C12orf54: variants seen among roughly 807,000 people sequenced by gnomAD.
C12orf54 encodes chromosome 12 open reading frame 54, also known as uncharacterized protein C12orf54.
Under a neutral mutation model 26.4 loss-of-function variants are expected in C12orf54, and 24 were observed. That is an observed-to-expected ratio of 0.91 (90% confidence interval 0.66 to 1.28). C12orf54 has a LOEUF of 1.28. Among genes scored for constraint, C12orf54 ranks in the 50% most tolerant of loss-of-function variants. The pLI is 0.00. For missense variants in C12orf54, 154 were observed against 150.9 expected, an observed-to-expected ratio of 1.02 and a Z score of -0.11; for synonymous variants, 54 against 47.0, an observed-to-expected ratio of 1.15 and a Z score of -0.61.
chr12:48,471,584 A>T, the C12orf54 span, among the ~76,000 whole-genome samples: 1 of 152,170 alleles, frequency 6.6e-6, no homozygotes, highest in Non-Finnish European at 1.5e-5. Context: ...TCCCAGCACC[A>T]TTTATTGAAA....
chr12:48,489,883 G>A (rs376624420), intron 5 of C12orf54, among the ~76,000 whole-genome samples: 54 of 151,948 alleles, frequency 3.6e-4, no homozygotes, highest in Admixed American at 1.4e-3. Flanking sequence ...CACCACGCCC[G>A]GCTAATTTCT....
In C12orf54 at chr12:48,483,371, C is replaced by T. The variant is rs1308975651; in HGVS notation, c.65+10C>T. 19 of 1,612,640 alleles carry T rather than the reference C, an allele frequency of 1.2e-5. No individual in the cohort carries two copies. The highest frequency in any genetic ancestry group is 1.6e-5 in the Non-Finnish European group (19 of 1,178,776). On this transcript the variant is annotated intron_variant, in intron 2 of 8. Transcript: ENST00000548364. ...CCAAGCAGCAGAGAAGGTAATGGGG[C>T]TAATGATGACCCTCAAACATCCTTA...
chr12:48,443,507 G>A, the C12orf54 span, among the ~76,000 whole-genome samples: 1 of 152,174 alleles, frequency 6.6e-6, no homozygotes, highest in African/African-American at 2.4e-5. Flanking sequence ...TGATTGGAGA[G>A]TTGCAGAGTA....
At chr12:48,473,454 A>T in the C12orf54 span, 1 of 574,430 alleles carries the variant, frequency 1.7e-6, no homozygotes, top group South Asian at 1.8e-5. Context: ...TTGTGATTTT[A>T]CTGTTTTTAG....
the C12orf54 span, among the ~76,000 whole-genome samples, chr12:48,422,148 C>T: frequency 2.1e-4 from 32 of 152,250 alleles, no homozygotes; most frequent in Middle Eastern, 3.4e-3. Context: ...AGGCTCTATT[C>T]TCAGATTCTC....
At chr12:48,445,401 C>T in the C12orf54 span, among the ~76,000 whole-genome samples, 1 of 152,162 alleles carries the variant, frequency 6.6e-6, no homozygotes, top group East Asian at 1.9e-4. Flanking sequence ...TTGCTCTGTT[C>T]TGCACTTTCG....
At chr12:48,487,476 G>T (rs568662902) in intron 4 of C12orf54, among the ~76,000 whole-genome samples, 1 of 152,246 alleles carries the variant, frequency 6.6e-6, no homozygotes, top group South Asian at 2.1e-4. Context: ...GACATTCAAT[G>T]ACTCTTTACA....
chr12:48,464,983 T>C, the C12orf54 span, among the ~76,000 whole-genome samples: 1 of 151,902 alleles, frequency 6.6e-6, no homozygotes, highest in African/African-American at 2.4e-5. Context: ...ACCTACACAA[T>C]ACCATTCTGG....
chr12:48,472,593 T>C, the C12orf54 span: 1 of 1,572,056 alleles, frequency 6.4e-7, no homozygotes, highest in Non-Finnish European at 8.7e-7. Flanking sequence ...CTTTCAAATG[T>C]GCGGTTGTGG....
At chr12:48,466,019 C>T in the C12orf54 span, among the ~76,000 whole-genome samples, 2 of 152,004 alleles carry the variant, frequency 1.3e-5, no homozygotes, top group Non-Finnish European at 2.9e-5. Flanking sequence ...AAACACTTGG[C>T]GACCTTGGGA....
chr12:48,449,373 A>C, the C12orf54 span, among the ~76,000 whole-genome samples: 1 of 152,186 alleles, frequency 6.6e-6, no homozygotes, highest in South Asian at 2.1e-4. Context: ...TTTGAGGTAA[A>C]ATACTTTCGT....
chr12:48,439,155 C>G, the C12orf54 span, among the ~76,000 whole-genome samples: 247 of 152,326 alleles, frequency 1.6e-3, no homozygotes, highest in African/African-American at 5.8e-3. Flanking sequence ...AAATGCTCAT[C>G]ATCACTGGCC....
chr12:48,452,646 C>G, the C12orf54 span, among the ~76,000 whole-genome samples: 1 of 149,498 alleles, frequency 6.7e-6, no homozygotes, highest in Non-Finnish European at 1.5e-5. Flanking sequence ...GGAACTTAAA[C>G]AAATTTACAA....
the C12orf54 span, chr12:48,473,306 T>C: frequency 1.7e-6 from 2 of 1,151,020 alleles, no homozygotes; most frequent in Non-Finnish European, 2.6e-6. Flanking sequence ...ATGAAGGTTA[T>C]AACAATGGAG....
the C12orf54 span, among the ~76,000 whole-genome samples, chr12:48,471,201 G>A: frequency 6.6e-6 from 1 of 151,774 alleles, no homozygotes; most frequent in East Asian, 1.9e-4. Context: ...TGCAATGTTT[G>A]TCTTTCTGTG....
At chr12:48,476,507 C>T in the C12orf54 span, among the ~76,000 whole-genome samples, 206 of 151,878 alleles carry the variant, frequency 1.4e-3, no homozygotes, top group Admixed American at 3.0e-3. Flanking sequence ...ACCTATCTCA[C>T]GTGCAGAGAC....
At chr12:48,436,993 A>C in the C12orf54 span, among the ~76,000 whole-genome samples, 1 of 148,872 alleles carries the variant, frequency 6.7e-6, no homozygotes, top group East Asian at 2.0e-4. Context: ...GATCAACAAA[A>C]TTGATAGACT....
the C12orf54 span, among the ~76,000 whole-genome samples, chr12:48,443,349 C>CT: frequency 3.2e-4 from 48 of 152,206 alleles, no homozygotes; most frequent in Middle Eastern, 6.8e-3. Flanking sequence ...TAGAGCATGG[C>CT]TTTAGGTGGG....
chr12:48,462,608 T>C, the C12orf54 span, among the ~76,000 whole-genome samples: 1 of 151,584 alleles, frequency 6.6e-6, no homozygotes, highest in African/African-American at 2.4e-5. Flanking sequence ...TTATATACCA[T>C]ATTAACAGAA....
Sources: allele counts gnomAD v4.1 joint callset (sites outside exome capture counted in the v4.1 genomes callset), GRCh38; gene constraint gnomAD v4.1.1; transcripts MANE v1.5; gene names NCBI Gene and HGNC (gene_info 2026-07-23, HGNC 2026-07-21).